KATNB1: variants seen among roughly 807,000 people sequenced by gnomAD.
The protein encoded by KATNB1 is katanin regulatory subunit B1, also known as katanin p80 WD40 repeat-containing subunit B1.
In KATNB1, 38 loss-of-function variants were observed where a neutral mutation model predicts 82.3. The observed-to-expected ratio is 0.46, with a 90% confidence interval of 0.36 to 0.61. The LOEUF is 0.61. Ranked by LOEUF, KATNB1 falls within the 20% of genes least tolerant of loss-of-function variation. KATNB1 has a pLI of 0.00. For synonymous variants in KATNB1, 361 were observed against 368.7 expected, an observed-to-expected ratio of 0.98 and a Z score of 0.24; for missense variants, 749 against 915.7, an observed-to-expected ratio of 0.82 and a Z score of 2.35.
At position 57,757,068 on chromosome 16, in the gene KATNB1, G is replaced by A. The variant is rs880001590; in HGVS notation, c.*122G>A. 40 of 1,153,570 alleles carry A rather than the reference G, an allele frequency of 3.5e-5. No individual in the cohort carries two copies. Among genetic ancestry groups the A allele is most frequent in the South Asian group, 1.3e-4 (6 of 47,076 alleles). The allele number at this position is 1,153,570 out of a possible 1,614,324, so 71.5% of individuals were successfully genotyped here. A position where few individuals can be genotyped will look rare whatever the true frequency, so the allele number is the denominator to read the frequency against. ...TGGCCCCTGCTGCTGTCCTGTGGCC[G>A]TCCTGGAGGAGGTGATGCTGGTCCC... On this transcript the variant is annotated 3_prime_UTR_variant, in exon 20 of 20. Transcript: ENST00000379661.
intron 19 of KATNB1, 52 bp downstream of exon 19, chr16:57,756,524 C>T: frequency 6.7e-7 from 1 of 1,499,738 alleles, no homozygotes; most frequent in Non-Finnish European, 9.2e-7. Context: ...GGTGAGGGGA[C>T]AAAGGCCTGG....
chr16:57,753,631 C>A, intron 12 of KATNB1, 112 bp downstream of exon 12: 1 of 1,391,312 alleles, frequency 7.2e-7, no homozygotes, highest in Non-Finnish European at 9.9e-7. Flanking sequence ...TCCTCCTAAC[C>A]CACACCTGGG....
chr16:57,757,063 T>C lies in KATNB1; in HGVS notation c.*117T>C, dbSNP rs550831070. 3.3e-6 allele frequency: 4 copies of C among 1,205,384 alleles called. No homozygotes were observed. The highest frequency in any genetic ancestry group is 4.3e-6 in the Non-Finnish European group (4 of 920,628). The allele number at this position is 1,205,384 out of a possible 1,614,324, so 74.7% of individuals were successfully genotyped here. On this transcript the variant is annotated 3_prime_UTR_variant, in exon 20 of 20. Coordinates refer to ENST00000379661, the MANE Select transcript of KATNB1 (RefSeq NM_005886.3). ...CTGCCTGGCCCCTGCTGCTGTCCTG[T>C]GGCCGTCCTGGAGGAGGTGATGCTG...
In KATNB1 at chr16:57,755,419, C is replaced by T. The variant is rs1555585598; in HGVS notation, c.1491C>T (p.Thr497=). 1 of 1,613,240 alleles carries T rather than the reference C, an allele frequency of 6.2e-7. No homozygotes were observed. Among genetic ancestry groups the T allele is most frequent in the South Asian group, 1.1e-5 (1 of 91,090 alleles). The change falls in exon 16 of 20, where the codon ACC becomes ACT. Residue 497 remains threonine, a synonymous_variant. Coordinates refer to ENST00000379661, the MANE Select transcript of KATNB1 (RefSeq NM_005886.3). ...AMSQIRKGHD[T]MCVVLTSRHK... is the part of the protein sequence containing the mutation. Reference sequence around the variant, plus strand: ...CACAGATCCGCAAAGGCCACGACACCATGTGTGTGGTGCTCACCAGCCGCC... The same window carrying T: ...CACAGATCCGCAAAGGCCACGACACTATGTGTGTGGTGCTCACCAGCCGCC...
In KATNB1 at chr16:57,755,855, C is replaced by A; in HGVS notation, c.1581C>A (p.Ser527=). The A allele has an allele frequency of 6.3e-7, 1 of 1,592,710 alleles. No individual in the cohort carries two copies. Among genetic ancestry groups the A allele is most frequent in the South Asian group, 1.1e-5 (1 of 89,798 alleles). The change falls in exon 17 of 20, where the codon TCC becomes TCA. Residue 527 remains serine (S), a synonymous_variant. Coordinates refer to ENST00000379661, the MANE Select transcript of KATNB1 (RefSeq NM_005886.3). ...TGTTTGCACAGACGTCGGTGGACTC[C>A]GCTGTGGCCATCAACGACCTGTCGG... ...TMGDIKTSVD[S]AVAINDLSVV...
In KATNB1 at chr16:57,752,839, G is replaced by T; in HGVS notation, c.766G>T (p.Val256Phe). 6.2e-7 allele frequency: 1 copy of T among 1,611,030 alleles called. No homozygotes were observed. Residue 256 changes from valine (V) to phenylalanine (F), a missense_variant, in exon 10 of 20, where the codon GTC becomes TTC. Transcript: ENST00000379661. Reference sequence around the variant, plus strand: ...CAGCGGCTGCCAGGACTCACTGCGTGTCTACGGCTGGGAACCTGAGCGGTG... The same window carrying T: ...CAGCGGCTGCCAGGACTCACTGCGTTTCTACGGCTGGGAACCTGAGCGGTG... Reference protein sequence around the residue: ...LYSGCQDSLRVYGWEPERCFD... With the variant: ...LYSGCQDSLRFYGWEPERCFD...
chr16:57,744,915 A>G (rs1555581009), intron 4 of KATNB1, among the ~76,000 whole-genome samples: 1 of 152,174 alleles, frequency 6.6e-6, no homozygotes, highest in Non-Finnish European at 1.5e-5. Flanking sequence ...CCCTGACTCC[A>G]GGTGGTCCCC....
intron 3 of KATNB1, among the ~76,000 whole-genome samples, chr16:57,742,706 C>T (rs1377659991): frequency 6.6e-6 from 1 of 152,216 alleles, no homozygotes; most frequent in Non-Finnish European, 1.5e-5. Context: ...ATTAGCTTAG[C>T]CACACCCTGT....
intron 4 of KATNB1, among the ~76,000 whole-genome samples, chr16:57,747,459 C>T (rs1555581725): frequency 1.3e-5 from 2 of 152,318 alleles, no homozygotes; most frequent in Admixed American, 6.5e-5. Flanking sequence ...GTAGGTGGTA[C>T]TCAATAAAGA....
At position 57,753,537 on chromosome 16, in the gene KATNB1, C is replaced by T; in HGVS notation, c.1177+18C>T. The T allele has an allele frequency of 6.2e-7, 1 of 1,611,294 alleles. No homozygotes were observed. Among genetic ancestry groups the T allele is most frequent in the South Asian group, 1.1e-5 (1 of 90,976 alleles). On this transcript the variant is annotated intron_variant, in intron 12 of 19. Coordinates refer to ENST00000379661, the MANE Select transcript of KATNB1 (RefSeq NM_005886.3). ...CAGCATCAGTGAGGCCGGGCTCCCG[C>T]CCCCAGCCCAGCGTCCCCATCGGTG...
chr16:57,752,559 T>G lies in KATNB1; in HGVS notation c.662T>G (p.Phe221Cys). 6.4e-7 allele frequency: 1 copy of G among 1,570,056 alleles called. No homozygotes were observed. Among genetic ancestry groups the G allele is most frequent in the Non-Finnish European group, 8.6e-7 (1 of 1,157,458 alleles). Residue 221 changes from phenylalanine to cysteine, a missense_variant, in exon 9 of 20, where the codon TTC becomes TGC. Physicochemically the swap from Phe to Cys is radical, Grantham distance 205 (BLOSUM62 -2). Coordinates refer to ENST00000379661, the MANE Select transcript of KATNB1 (RefSeq NM_005886.3). Reference protein sequence around the residue: ...RTIRFWDLEKFQVVSCIEGEP... With the variant: ...RTIRFWDLEKCQVVSCIEGEP... Reference sequence around the variant, plus strand: ...ATCCGCTTCTGGGACCTGGAGAAGTTCCAGGTGGTGAGCTGCATCGAAGGG... The same window carrying G: ...ATCCGCTTCTGGGACCTGGAGAAGTGCCAGGTGGTGAGCTGCATCGAAGGG...
chr16:57,751,763 TG>T lies in KATNB1; in HGVS notation c.516+43del. The T allele has an allele frequency of 1.3e-6, 2 of 1,585,410 alleles. No homozygotes were observed. Among genetic ancestry groups the T allele is most frequent in the South Asian group, 1.1e-5 (1 of 90,608 alleles). On this transcript the variant is annotated intron_variant, in intron 7 of 19. Coordinates refer to ENST00000379661, the MANE Select transcript of KATNB1 (RefSeq NM_005886.3). The surrounding 1 kb of genome is among the most constrained non-coding windows in gnomAD (Gnocchi z 6.3). ...TGACCTGGGCCCAGGGGCTGGGGGC[TG>T]GGGTCTGCTGATCACAGCAGGCTGA...
chr16:57,753,803 T>C, intron 12 of KATNB1, 142 bp from the exon 13 acceptor site: 1 of 801,516 alleles, frequency 1.2e-6, no homozygotes, highest in Non-Finnish European at 2.0e-6. Context: ...GGACTGAGGG[T>C]TCCTGGGACC....
chr16:57,747,926 G>A (rs1389589144), intron 4 of KATNB1, among the ~76,000 whole-genome samples: 2 of 152,204 alleles, frequency 1.3e-5, no homozygotes, highest in East Asian at 1.9e-4. Flanking sequence ...GGCCCTGGAC[G>A]GCCAGGGCTG....
intron 3 of KATNB1, 32 bp downstream of exon 3, chr16:57,741,849 C>A: frequency 6.2e-7 from 1 of 1,603,944 alleles, no homozygotes; most frequent in Non-Finnish European, 8.5e-7. Context: ...GGGGTCAGGA[C>A]AAGGGCCTGG....
intron 2 of KATNB1, among the ~76,000 whole-genome samples, chr16:57,741,228 T>G (rs2049139368): frequency 6.6e-6 from 1 of 152,246 alleles, no homozygotes; most frequent in African/African-American, 2.4e-5. Flanking sequence ...AAGCAGCAGC[T>G]GAGAGGTGTG....
At chr16:57,752,198 C>T (rs978643027) in intron 8 of KATNB1, 143 bp downstream of exon 8, 8 of 679,418 alleles carry the variant, frequency 1.2e-5, no homozygotes, top group East Asian at 8.1e-5. Context: ...GGATTTCAGC[C>T]GAGCCAGGAC....
At position 57,757,161 on chromosome 16, in the gene KATNB1, A is replaced by G. The variant is rs1555587369; in HGVS notation, c.*215A>G. ...AGCAATAGCTGCCCAGCTTTGCCCA[A>G]CTGTTGCTTCTTGGGGCAGCGAACT... On this transcript the variant is annotated 3_prime_UTR_variant, in exon 20 of 20. Coordinates refer to ENST00000379661, the MANE Select transcript of KATNB1 (RefSeq NM_005886.3). 1 of 434,616 alleles carries G rather than the reference A, an allele frequency of 2.3e-6. No homozygotes were observed. Among genetic ancestry groups the G allele is most frequent in the African/African-American group, 2.0e-5 (1 of 49,186 alleles). The allele number at this position is 434,616 out of a possible 1,614,324, so 26.9% of individuals were successfully genotyped here.
chr16:57,738,696 A>T, intron 2 of KATNB1, among the ~76,000 whole-genome samples: 1 of 152,156 alleles, frequency 6.6e-6, no homozygotes, highest in South Asian at 2.1e-4. Context: ...GCTCTGGGAG[A>T]ACCCTGTTAT....
Sources: gnomAD v4.1 joint callset for allele counts (sites outside exome capture counted in the v4.1 genomes callset) on GRCh38, gnomAD v4.1.1 for gene constraint, Gnocchi (gnomAD v3.1) non-coding constraint, MANE v1.5 for transcripts, NCBI Gene and HGNC (gene_info 2026-07-23, HGNC 2026-07-21) for gene names.